SMYD3: variants seen among roughly 807,000 people sequenced by gnomAD.
SMYD3 encodes the protein SET and MYND domain containing 3.
A neutral mutation model predicts 57.7 loss-of-function variants in SMYD3; 36 were observed. The ratio of observed to expected loss-of-function variants is 0.62; its 90% CI spans 0.48 to 0.82. The LOEUF (loss-of-function observed/expected upper bound fraction) is 0.82, where lower values mean the gene tolerates loss of function less well. Ranked by LOEUF, SMYD3 falls within the 40% of genes least tolerant of loss-of-function variation. SMYD3 has a pLI of 0.00. For missense variants in SMYD3, 515 were observed against 538.8 expected (o/e 0.96, Z 0.44); for synonymous variants, 211 against 195.0 (o/e 1.08, Z -0.68).
chr1:246,068,019 G>C (rs1558197966), intron 5 of SMYD3, among the ~76,000 whole-genome samples: 1 of 152,144 alleles, frequency 6.6e-6, no homozygotes, highest in Non-Finnish European at 1.5e-5. Context: ...TGAATTTGTG[G>C]TTTGCAACTG....
At chr1:246,190,504 G>A (rs1047240888) in intron 5 of SMYD3, among the ~76,000 whole-genome samples, 2 of 141,544 alleles carry the variant, frequency 1.4e-5, no homozygotes, top group African/African-American at 5.2e-5. Context: ...AGAATCGCTT[G>A]AACCCGGGAG....
chr1:246,151,812 G>A (rs1452391584), intron 5 of SMYD3, among the ~76,000 whole-genome samples: 1 of 152,214 alleles, frequency 6.6e-6, no homozygotes, highest in Admixed American at 6.5e-5. Context: ...AGGCCTGTCT[G>A]GCATTCTACT....
rs187843040 is a variant in SMYD3 at position 245,802,833 on chromosome 1, G to A, written c.1077-38684C>T. Among the ~76,000 whole-genome samples, 170 of 152,310 alleles carry A rather than the reference G, an allele frequency of 1.1e-3. 4 individuals are homozygous for A. The Middle Eastern group carries it at 0.024, about 21-fold the overall frequency. Reference sequence around the variant, plus strand: ...AACCAGACTGGAAACCTTGGGCCTCGTCTTAAGCTCTTATCTTGGGCAAAT... The same window carrying A: ...AACCAGACTGGAAACCTTGGGCCTCATCTTAAGCTCTTATCTTGGGCAAAT... On this transcript the variant is annotated intron_variant, in intron 10 of 11. Coordinates refer to ENST00000490107, the MANE Select transcript of SMYD3 (RefSeq NM_001167740.2).
At chr1:246,116,170 T>C (rs929325904) in intron 5 of SMYD3, among the ~76,000 whole-genome samples, 9 of 150,198 alleles carry the variant, frequency 6.0e-5, no homozygotes, top group African/African-American at 2.2e-4. Flanking sequence ...AAGAATTAAC[T>C]GTAATCCTAT....
At position 245,863,819 on chromosome 1, in the gene SMYD3, T is replaced by C. The variant is rs1459405982; in HGVS notation, c.881A>G (p.Glu294Gly). 1.2e-6 allele frequency: 2 copies of C among 1,614,078 alleles called. No individual in the cohort carries two copies. Among genetic ancestry groups the C allele is most frequent in the Non-Finnish European group, 1.7e-6 (2 of 1,179,968 alleles). The change falls in exon 9 of 12, where the codon GAA becomes GGA. Residue 294 changes from glutamate to glycine, a missense_variant. Physicochemically the swap from Glu to Gly is moderately conservative, Grantham distance 98 (BLOSUM62 -2). Transcript: ENST00000490107. ...GATACTCCAGTGTGCCTTCAGTTCT[T>C]CAATTTTTTTCAGGGATTCTTGAAC... ...KEVQESLKKIEELKAHWKWEQ... is the reference protein window; with the variant it reads ...KEVQESLKKIGELKAHWKWEQ...
intron 2 of SMYD3, among the ~76,000 whole-genome samples, chr1:246,344,562 T>A (rs2065681123): frequency 6.6e-6 from 1 of 152,240 alleles, no homozygotes; most frequent in Non-Finnish European, 1.5e-5. Flanking sequence ...TTTGTAGATG[T>A]AAGTTTTCAT....
At chr1:245,810,988 T>C (rs905485577) in intron 10 of SMYD3, among the ~76,000 whole-genome samples, 2 of 152,222 alleles carry the variant, frequency 1.3e-5, no homozygotes, top group Admixed American at 6.5e-5. Flanking sequence ...ACACTTCTGA[T>C]ATGATTTTCT....
chr1:245,993,492 A>G (rs2058849442), intron 5 of SMYD3, among the ~76,000 whole-genome samples: 2 of 152,102 alleles, frequency 1.3e-5, no homozygotes, highest in Admixed American at 1.3e-4. Context: ...CGCAGCTACT[A>G]GAGAGGCTGA....
intron 5 of SMYD3, among the ~76,000 whole-genome samples, chr1:246,143,552 C>G (rs1370842909): frequency 1.3e-5 from 2 of 152,102 alleles, no homozygotes; most frequent in Non-Finnish European, 2.9e-5. Context: ...GCTACGGTCC[C>G]AGCTACTTGG....
At chr1:246,268,499 A>C (rs1203287922) in intron 5 of SMYD3, among the ~76,000 whole-genome samples, 1 of 150,164 alleles carries the variant, frequency 6.7e-6, no homozygotes, top group Middle Eastern at 3.2e-3. Context: ...GGAGATCCAG[A>C]CCATCCTGAC....
At chr1:246,329,006 C>G (rs1182846774) in intron 4 of SMYD3, among the ~76,000 whole-genome samples, 1 of 152,126 alleles carries the variant, frequency 6.6e-6, no homozygotes. Context: ...CATGTCCCTA[C>G]AAAGGACATG....
chr1:245,972,525 A>T (rs2058326684), intron 5 of SMYD3, among the ~76,000 whole-genome samples: 1 of 152,264 alleles, frequency 6.6e-6, no homozygotes, highest in Non-Finnish European at 1.5e-5. Context: ...TGCACATTGC[A>T]GGATGTGGTG....
chr1:246,398,028 C>T (rs2066703629), intron 1 of SMYD3, among the ~76,000 whole-genome samples: 2 of 151,992 alleles, frequency 1.3e-5, no homozygotes, highest in South Asian at 4.1e-4. Flanking sequence ...TGGAATCCGT[C>T]AATCACTAGA....
At chr1:246,087,540 A>T (rs1198969965) in intron 5 of SMYD3, among the ~76,000 whole-genome samples, 4 of 152,236 alleles carry the variant, frequency 2.6e-5, no homozygotes, top group African/African-American at 9.6e-5. Context: ...TCACACAAAA[A>T]AAGCTACAAG....
At chr1:245,824,780 C>G (rs904773778) in intron 10 of SMYD3, among the ~76,000 whole-genome samples, 2 of 150,596 alleles carry the variant, frequency 1.3e-5, no homozygotes, top group Non-Finnish European at 2.9e-5. Context: ...TGCTTGAACC[C>G]AGGAGATGGA....
At chr1:245,942,516 C>T (rs529922217) in intron 5 of SMYD3, among the ~76,000 whole-genome samples, 1 of 152,150 alleles carries the variant, frequency 6.6e-6, no homozygotes, top group Non-Finnish European at 1.5e-5. Context: ...CTTAGACTCC[C>T]ACACAATAAT....
rs544335818 is a variant in SMYD3 at position 246,440,602 on chromosome 1, T to C, written c.164+66452A>G. 3.3e-5 allele frequency among the ~76,000 whole-genome samples: 5 copies of C among 152,102 alleles called. No homozygotes were observed. The South Asian group carries it at 8.3e-4, about 25-fold the overall frequency. ...CTCTCTCCAAATCTAGAAGTATATA[T>C]CTATGAAAAAAAATATTTGGGGGCA... On this transcript the variant is annotated intron_variant, in intron 1 of 11. Transcript: ENST00000490107.
chr1:246,193,749 CT>C (rs759203551), intron 5 of SMYD3: 2 of 53,744 alleles, frequency 3.7e-5, no homozygotes, highest in Non-Finnish European at 6.3e-5. Flanking sequence ...AGCACACTTC[CT>C]GTAGATCTAC....
intron 5 of SMYD3, among the ~76,000 whole-genome samples, chr1:246,049,222 T>C (rs559982117): frequency 6.6e-6 from 1 of 152,282 alleles, no homozygotes; most frequent in African/African-American, 2.4e-5. Flanking sequence ...TCTTAGACTC[T>C]GCAAGGGGAA....
Sources: gnomAD v4.1 joint callset for allele counts (sites outside exome capture counted in the v4.1 genomes callset) on GRCh38, gnomAD v4.1.1 for gene constraint, MANE v1.5 for transcripts, NCBI Gene and HGNC (gene_info 2026-07-23, HGNC 2026-07-21) for gene names.